The following AIMP2 variants were observed in gnomAD, a reference collection of about 807,000 sequenced individuals.
AIMP2 encodes the protein aminoacyl tRNA synthetase complex interacting multifunctional protein 2, also known as aminoacyl tRNA synthase complex-interacting multifunctional protein 2.
Under a neutral mutation model 23.4 loss-of-function variants are expected in AIMP2, and 20 were observed. The ratio of observed to expected loss-of-function variants is 0.85; its 90% CI spans 0.60 to 1.24. The LOEUF (loss-of-function observed/expected upper bound fraction) is 1.24, where lower values mean the gene tolerates loss of function less well. AIMP2 is among the 50% of genes most tolerant of loss of function. The pLI is 0.00. For missense variants in AIMP2, 515 were observed against 414.5 expected (o/e 1.24, Z -2.10); for synonymous variants, 210 against 170.4 (o/e 1.23, Z -1.81).
At chr7:6,016,677 G>A (rs1787049096) in intron 2 of AIMP2, among the ~76,000 whole-genome samples, 1 of 152,154 alleles carries the variant, frequency 6.6e-6, no homozygotes, top group Non-Finnish European at 1.5e-5. Flanking sequence ...TGATACCTCA[G>A]AAGACCCAGC....
At position 6,009,508 on chromosome 7, in the gene AIMP2, C is replaced by T; in HGVS notation, c.135+10C>T. On this transcript the variant is annotated intron_variant, in intron 1 of 3. Transcript: ENST00000223029. ...CGCTGGCCACGTGCAGGTAGGAGCG[C>T]GGGGCCCCCCGCCCAGTGCGCACGC... 6.7e-7 allele frequency: 1 copy of T among 1,502,160 alleles called. No homozygotes were observed. The highest frequency in any genetic ancestry group is 8.8e-7 in the Non-Finnish European group (1 of 1,133,600). 93.1% of individuals were successfully genotyped at this position (1,502,160 alleles called of 1,614,324 possible). A position where few individuals can be genotyped will look rare whatever the true frequency, so the allele number is the denominator to read the frequency against.
intron 1 of AIMP2, among the ~76,000 whole-genome samples, chr7:6,012,514 C>T (rs1423579305): frequency 1.3e-5 from 2 of 152,096 alleles, no homozygotes; most frequent in Non-Finnish European, 2.9e-5. Flanking sequence ...AAATCACAAG[C>T]CACGTTACAC....
At position 6,012,771 on chromosome 7, in the gene AIMP2, C is replaced by G. The variant is rs944907724; in HGVS notation, c.136-2375C>G. The G allele has an allele frequency of 2.3e-5, 22 of 940,234 alleles. No individual in the cohort carries two copies. In the East Asian group the frequency reaches 5.1e-4, roughly 22 times the overall value. 58.2% of individuals were successfully genotyped at this position (940,234 alleles called of 1,614,324 possible). ...ATGGAGTTTCATCATGTTGTCCTCT[C>G]GAACTCCTGACCTCAAGTGATCCAC... On this transcript the variant is annotated intron_variant, in intron 1 of 3. Coordinates refer to ENST00000223029, the MANE Select transcript of AIMP2 (RefSeq NM_006303.4).
chr7:6,011,401 TTTCATA>T (rs1786680993), intron 1 of AIMP2, among the ~76,000 whole-genome samples: 1 of 152,162 alleles, frequency 6.6e-6, no homozygotes, highest in Non-Finnish European at 1.5e-5. Flanking sequence ...TTGAGGACCT[TTTCATA>T]TTCACTGGCC....
Position 6,009,966 on chromosome 7 carries a change from A to ATATAT in AIMP2, c.135+468_135+469insTATAT, listed in dbSNP as rs1162854647. Among the ~76,000 whole-genome samples, 48 of 40,194 alleles carry ATATAT rather than the reference A, an allele frequency of 1.2e-3. 1 individual carries two copies. Among genetic ancestry groups the ATATAT allele is most frequent in the African/African-American group, 4.0e-3 (43 of 10,642 alleles). The allele number at this position is 40,194 out of a possible 152,430, so 26.4% of individuals were successfully genotyped here. ...CTCTATCTCAAAAAAAAAAAAAAAA[A>ATATAT]AAAAAAAAATATATATATATATATA... On this transcript the variant is annotated intron_variant, in intron 1 of 3. Transcript: ENST00000223029.
chr7:6,009,974 A>AAAAAAAAAAAATTTACAT, intron 1 of AIMP2, among the ~76,000 whole-genome samples: 1 of 26,662 alleles, frequency 3.8e-5, no homozygotes, highest in Non-Finnish European at 6.8e-5. Context: ...AAAAAAAAAA[A>AAAAAAAAAAAATTTACAT]ATATATATAT....
chr7:6,015,029 T>G, intron 1 of AIMP2, 117 bp from the exon 2 acceptor site: 1 of 1,551,614 alleles, frequency 6.4e-7, no homozygotes, highest in Non-Finnish European at 8.7e-7. Context: ...CCATAATGTC[T>G]TCTTTTAAAG....
intron 2 of AIMP2, among the ~76,000 whole-genome samples, chr7:6,017,438 G>A (rs1404073118): frequency 6.0e-5 from 9 of 151,066 alleles, no homozygotes; most frequent in Non-Finnish European, 8.8e-5. Context: ...CAGGAGAATC[G>A]CTTGAACCTG....
At chr7:6,022,158 C>G (rs1054227491) in intron 3 of AIMP2, 2 of 152,204 alleles carry the variant, frequency 1.3e-5, no homozygotes, top group African/African-American at 4.8e-5. Context: ...TCACCACAGC[C>G]TCAACCTTCT....
At chr7:6,022,447 C>T (rs771391251) in intron 3 of AIMP2, 1 of 152,074 alleles carries the variant, frequency 6.6e-6, no homozygotes, top group Admixed American at 6.5e-5. Flanking sequence ...CTAACCCCCC[C>T]ACTGTTCAAG....
chr7:6,009,974 A>AAATATATATATATATAT, intron 1 of AIMP2, among the ~76,000 whole-genome samples: 6 of 26,666 alleles, frequency 2.3e-4, no homozygotes, highest in African/African-American at 4.2e-4. Flanking sequence ...AAAAAAAAAA[A>AAATATATATATATATAT]ATATATATAT....
chr7:6,016,400 G>A (rs904464755), intron 2 of AIMP2, among the ~76,000 whole-genome samples: 1 of 152,144 alleles, frequency 6.6e-6, no homozygotes, highest in African/African-American at 2.4e-5. Flanking sequence ...AAAAATGCAA[G>A]CATTGTGGTG....
In AIMP2 at chr7:6,015,257, C is replaced by G. The variant is rs564323960; in HGVS notation, c.247C>G (p.Pro83Ala). The change falls in exon 2 of 4, where the codon CCA (proline) becomes GCA (alanine). Residue 83 changes from proline (P) to alanine (A), a missense_variant. Transcript: ENST00000223029. ...TGGCCTCTCCAAGATGATTCAAACA[C>G]CAGATGCAGACTTGGATGTAACCAA... is the stretch of plus-strand genomic sequence containing the variant. Reference protein sequence around the residue: ...VDGLSKMIQTPDADLDVTNII... With the variant: ...VDGLSKMIQTADADLDVTNII... 2 of 1,614,162 alleles carry G rather than the reference C, an allele frequency of 1.2e-6. No homozygotes were observed. The highest frequency in any genetic ancestry group is 1.3e-5 in the African/African-American group (1 of 75,040).
Position 6,017,951 on chromosome 7 carries a change from C to A in AIMP2, c.480C>A (p.Ser160Arg). 1.9e-6 allele frequency: 3 copies of A among 1,614,030 alleles called. No homozygotes were observed. The highest frequency in any genetic ancestry group is 2.5e-6 in the Non-Finnish European group (3 of 1,180,022). ...TGCACACGCACTCCTCGGTCAAGAGCGTGCCTGAAAACCTTCTCAAGTGCT... is the reference window on the plus strand; with the variant it reads ...TGCACACGCACTCCTCGGTCAAGAGAGTGCCTGAAAACCTTCTCAAGTGCT... ...STVHTHSSVK[S>R]VPENLLKCFG... The change falls in exon 3 of 4, where the codon AGC becomes AGA. Residue 160 changes from serine (S) to arginine (R), a missense_variant. By Grantham distance (110) the Ser-to-Arg change is moderately radical. Coordinates refer to ENST00000223029, the MANE Select transcript of AIMP2 (RefSeq NM_006303.4).
intron 1 of AIMP2, among the ~76,000 whole-genome samples, chr7:6,009,974 A>AAATATACAT: frequency 1.9e-4 from 5 of 26,674 alleles, no homozygotes; most frequent in Non-Finnish European, 2.7e-4. Flanking sequence ...AAAAAAAAAA[A>AAATATACAT]ATATATATAT....
chr7:6,009,575 G>C (rs1786392521), intron 1 of AIMP2, 77 bp downstream of exon 1: 2 of 1,315,394 alleles, frequency 1.5e-6, no homozygotes, highest in Non-Finnish European at 1.9e-6. Flanking sequence ...AGGCCGGAGC[G>C]AGCGCGTCCC....
Position 6,015,244 on chromosome 7 carries a change from G to C in AIMP2, c.234G>C (p.Lys78Asn). 6.2e-7 allele frequency: 1 copy of C among 1,614,186 alleles called. No homozygotes were observed. Among genetic ancestry groups the C allele is most frequent in the Non-Finnish European group, 8.5e-7 (1 of 1,180,036 alleles). The change falls in exon 2 of 4, where the codon AAG becomes AAC. Residue 78 changes from lysine to asparagine, a missense_variant. Lys to Asn is a moderately conservative substitution (Grantham distance 94). Transcript: ENST00000223029. ...ELKAAVDGLS[K>N]MIQTPDADLD... ...AAGCTGCAGTTGATGGCCTCTCCAA[G>C]ATGATTCAAACACCAGATGCAGACT...
chr7:6,010,807 G>T (rs1251526982), intron 1 of AIMP2, among the ~76,000 whole-genome samples: 3 of 143,464 alleles, frequency 2.1e-5, no homozygotes, highest in East Asian at 4.1e-4. Flanking sequence ...GTGTCTGGGT[G>T]TTTTTTTTTT....
At chr7:6,013,566 TTTC>T (rs1295643525) in intron 1 of AIMP2, among the ~76,000 whole-genome samples, 30 of 151,734 alleles carry the variant, frequency 2.0e-4, no homozygotes, top group African/African-American at 6.3e-4. Flanking sequence ...CAGCCTTGAG[TTTC>T]TTTTTAAGTC....
Sources: allele counts gnomAD v4.1 joint callset (sites outside exome capture counted in the v4.1 genomes callset), GRCh38; gene constraint gnomAD v4.1.1; transcripts MANE v1.5; gene names NCBI Gene and HGNC (gene_info 2026-07-23, HGNC 2026-07-21).